Variants in HSD17B2 observed in about 807,000 individuals in gnomAD.
The protein encoded by HSD17B2 is hydroxysteroid 17-beta dehydrogenase 2, also known as 17-beta-hydroxysteroid dehydrogenase type 2.
In HSD17B2, 32 loss-of-function variants were observed where a neutral mutation model predicts 26.9. That is an observed-to-expected ratio of 1.19 (90% CI 0.90 to 1.60). HSD17B2 has a LOEUF of 1.60. Ranked by LOEUF, HSD17B2 falls within the 40% of genes most tolerant of loss-of-function variation. The pLI is 0.00. For missense variants in HSD17B2, 613 were observed against 468.6 expected (o/e 1.31, Z -2.85); for synonymous variants, 246 against 186.7 (o/e 1.32, Z -2.59).
rs751956834 is a variant in HSD17B2, at chr16:82,090,969, A to G, written c.732A>G (p.Ser244=). Residue 244 remains serine, a synonymous_variant, in exon 4 of 5, where the codon TCA becomes TCG. Transcript: ENST00000199936. ...SSKAAVTMFS[S]VMRLELSKWG... ...AGGCGGCTGTGACCATGTTCTCATCAGTTATGAGACTGGAGCTTTCCAAGT... is the reference window on the plus strand; with the variant it reads ...AGGCGGCTGTGACCATGTTCTCATCGGTTATGAGACTGGAGCTTTCCAAGT... The G allele has an allele frequency of 1.9e-5, 30 of 1,614,030 alleles. No homozygotes were observed. The highest frequency in any genetic ancestry group is 2.5e-5 in the Non-Finnish European group (29 of 1,179,922).
At chr16:82,049,343 A>G (rs991331247) in intron 1 of HSD17B2, among the ~76,000 whole-genome samples, 2 of 152,184 alleles carry the variant, frequency 1.3e-5, no homozygotes, top group Non-Finnish European at 1.5e-5. Context: ...CTGACCTCAA[A>G]TGTCAATAGC....
intron 1 of HSD17B2, among the ~76,000 whole-genome samples, chr16:82,044,149 C>T (rs1267864665): frequency 6.6e-6 from 1 of 152,172 alleles, no homozygotes; most frequent in East Asian, 1.9e-4. Flanking sequence ...GAGCTGTTGA[C>T]TCAGAGTTAA....
intron 1 of HSD17B2, among the ~76,000 whole-genome samples, chr16:82,060,474 T>C (rs1914401409): frequency 6.6e-6 from 1 of 152,212 alleles, no homozygotes; most frequent in Admixed American, 6.5e-5. Flanking sequence ...GATGGGTCCC[T>C]TGTGGGAATG....
intron 3 of HSD17B2, among the ~76,000 whole-genome samples, chr16:82,073,364 A>G (rs1283266971): frequency 6.6e-6 from 1 of 151,956 alleles, no homozygotes; most frequent in Non-Finnish European, 1.5e-5. Context: ...AGCTGGGACT[A>G]CAGACGCCCC....
Position 82,098,207 on chromosome 16 carries a change from C to G in HSD17B2, c.935C>G (p.Ser312Trp). The change falls in exon 5 of 5, where the codon TCG (serine) becomes TGG (tryptophan). Residue 312 changes from serine (S) to tryptophan (W), a missense_variant. Transcript: ENST00000199936. ...CGGAATTTCCTCCTATTGATCAACT[C>G]GTTAGCCAGCAAGGACTTCTCTCCG... ...AQRNFLLLINSLASKDFSPVL... is the reference protein window; with the variant it reads ...AQRNFLLLINWLASKDFSPVL... 6.2e-7 allele frequency: 1 copy of G among 1,614,160 alleles called. No individual in the cohort carries two copies.
chr16:82,077,614 T>G (rs1597134707), intron 3 of HSD17B2, among the ~76,000 whole-genome samples: 2 of 152,066 alleles, frequency 1.3e-5, no homozygotes, highest in South Asian at 2.1e-4. Context: ...CCTGTAGTCC[T>G]AGCTACTCAG....
intron 1 of HSD17B2, among the ~76,000 whole-genome samples, chr16:82,060,051 C>G (rs886828826): frequency 6.6e-6 from 1 of 152,174 alleles, no homozygotes; most frequent in East Asian, 1.9e-4. Context: ...AAGAGTTGAG[C>G]TTTTATTTTG....
intron 1 of HSD17B2, among the ~76,000 whole-genome samples, chr16:82,036,344 G>T (rs1477551479): frequency 6.6e-6 from 1 of 151,284 alleles, no homozygotes; most frequent in Non-Finnish European, 1.5e-5. Context: ...GTGTGTGTGT[G>T]TGTGTGTGTG....
chr16:82,056,316 A>C (rs1914266613), intron 1 of HSD17B2: 2 of 152,124 alleles, frequency 1.3e-5, no homozygotes, highest in Non-Finnish European at 2.9e-5. Context: ...TCTTAAGTAA[A>C]TTTACTTTTT....
intron 3 of HSD17B2, among the ~76,000 whole-genome samples, chr16:82,072,669 C>CA (rs1274769273): frequency 6.6e-6 from 1 of 152,144 alleles, no homozygotes; most frequent in Non-Finnish European, 1.5e-5. Flanking sequence ...CAGTGTCTGG[C>CA]ATGCACCAGC....
rs1223851563 is a variant in HSD17B2 at position 82,058,544 on chromosome 16, A to C, written c.266-9626A>C. On this transcript the variant is annotated intron_variant, in intron 1 of 4. Transcript: ENST00000199936. The stretch of plus-strand genomic sequence containing the variant: ...AAAGTGAGATAACATATATAAACAT[A>C]AGGCTCTCAAACTTTTTGGACTTAG... 2.0e-5 allele frequency among the ~76,000 whole-genome samples: 3 copies of C among 152,166 alleles called. No individual in the cohort carries two copies. The East Asian group carries it at 5.8e-4, about 29-fold the overall frequency.
intron 1 of HSD17B2, among the ~76,000 whole-genome samples, chr16:82,066,682 G>A (rs916214789): frequency 3.3e-5 from 5 of 151,376 alleles, no homozygotes; most frequent in African/African-American, 4.9e-5. Flanking sequence ...TCCACACCTC[G>A]CTATTTATGG....
At chr16:82,070,670 A>C (rs1167127094) in intron 2 of HSD17B2, 1 of 458,472 alleles carries the variant, frequency 2.2e-6, no homozygotes, top group Non-Finnish European at 3.9e-6. Flanking sequence ...TTAATTTGCA[A>C]TACCTGCTGG....
In HSD17B2 at chr16:82,098,383, A is replaced by T; in HGVS notation, c.1111A>T (p.Lys371Ter). ...YFAKRHFGQDKPMPRALRMPN... is the reference protein window; with the variant it reads ...YFAKRHFGQD Reference sequence around the variant, plus strand: ...TGCTAAAAGACATTTTGGCCAAGACAAGCCCATGCCCAGAGCTCTAAGAAT... The same window carrying T: ...TGCTAAAAGACATTTTGGCCAAGACTAGCCCATGCCCAGAGCTCTAAGAAT... Residue 371 changes from lysine (K) to a stop codon, truncating the protein, a stop_gained, in exon 5 of 5, where the codon AAG becomes TAG. Coordinates refer to ENST00000199936, the MANE Select transcript of HSD17B2 (RefSeq NM_002153.3). LOFTEE classifies it low-confidence loss of function (END_TRUNC). 4 of 1,614,106 alleles carry T rather than the reference A, an allele frequency of 2.5e-6. No homozygotes were observed. Among genetic ancestry groups the T allele is most frequent in the Non-Finnish European group, 3.4e-6 (4 of 1,179,968 alleles).
chr16:82,053,026 T>G (rs768855272), intron 1 of HSD17B2, among the ~76,000 whole-genome samples: 3 of 152,238 alleles, frequency 2.0e-5, no homozygotes, highest in Non-Finnish European at 2.9e-5. Flanking sequence ...CATTATGACC[T>G]TATCTAGACC....
chr16:82,039,981 T>C (rs946139122), intron 1 of HSD17B2, among the ~76,000 whole-genome samples: 1 of 152,196 alleles, frequency 6.6e-6, no homozygotes, highest in African/African-American at 2.4e-5. Context: ...GTTAAGAATC[T>C]AAAATTAGTT....
At chr16:82,070,445 G>C (rs1428732913) in intron 2 of HSD17B2, among the ~76,000 whole-genome samples, 2 of 152,096 alleles carry the variant, frequency 1.3e-5, no homozygotes, top group Non-Finnish European at 2.9e-5. Flanking sequence ...TTACTTTCCA[G>C]AGACTCATCT....
chr16:82,036,537 C>G (rs935109659), intron 1 of HSD17B2, among the ~76,000 whole-genome samples: 1 of 152,016 alleles, frequency 6.6e-6, no homozygotes, highest in African/African-American at 2.4e-5. Flanking sequence ...TGGGGGAGAT[C>G]ATCACCCCTC....
At chr16:82,039,349 G>A (rs1913707978) in intron 1 of HSD17B2, among the ~76,000 whole-genome samples, 1 of 150,824 alleles carries the variant, frequency 6.6e-6, no homozygotes, top group East Asian at 1.9e-4. Context: ...GAGAGAGAGA[G>A]AGGGAGAGAG....
Sources: allele counts gnomAD v4.1 joint callset (sites outside exome capture counted in the v4.1 genomes callset), GRCh38; gene constraint gnomAD v4.1.1; transcripts MANE v1.5; gene names NCBI Gene and HGNC (gene_info 2026-07-23, HGNC 2026-07-21).